CD1B: variants seen among roughly 807,000 people sequenced by gnomAD.
The protein encoded by CD1B is T-cell surface glycoprotein CD1b.
CD1B carries 43 observed loss-of-function variants against 39.8 expected under a neutral mutation model. That is an observed-to-expected ratio of 1.08 (90% CI 0.85 to 1.39). The LOEUF (loss-of-function observed/expected upper bound fraction) is 1.39. CD1B is among the 40% of genes most tolerant of loss of function. The pLI is 0.00. For synonymous variants in CD1B, 192 were observed against 152.5 expected (o/e 1.26, Z -1.91); for missense variants, 495 against 403.8 (o/e 1.23, Z -1.94).
chr1:158,305,941 T>A, the CD1B span, among the ~76,000 whole-genome samples: 3 of 152,162 alleles, frequency 2.0e-5, no homozygotes, highest in African/African-American at 7.2e-5. Flanking sequence ...GCACTAAACA[T>A]GAAAAGGAAC....
downstream of CD1B, among the ~76,000 whole-genome samples, chr1:158,323,043 T>A (rs888501981): frequency 2.6e-5 from 4 of 152,184 alleles, no homozygotes; most frequent in East Asian, 1.9e-4. Context: ...TTTCCAGGAT[T>A]GTAAAATTTT....
chr1:158,310,691 G>A, the CD1B span, among the ~76,000 whole-genome samples: 1 of 152,096 alleles, frequency 6.6e-6, no homozygotes, highest in Admixed American at 6.6e-5. Flanking sequence ...CATATACATA[G>A]CCAACAAGCA....
At chr1:158,307,694 T>G in the CD1B span, among the ~76,000 whole-genome samples, 12 of 152,212 alleles carry the variant, frequency 7.9e-5, 2 homozygotes, top group Admixed American at 7.2e-4. Flanking sequence ...AATAAAATAC[T>G]GGCAAACCGA....
chr1:158,295,126 T>G, the CD1B span, among the ~76,000 whole-genome samples: 2 of 152,040 alleles, frequency 1.3e-5, no homozygotes, highest in South Asian at 4.1e-4. Flanking sequence ...ATTAAACTTA[T>G]TTTTGGGAGA....
downstream of CD1B, among the ~76,000 whole-genome samples, chr1:158,326,550 AATGCTGAACAACT>A (rs1269830665): frequency 6.6e-6 from 1 of 152,180 alleles, no homozygotes; most frequent in African/African-American, 2.4e-5. Context: ...AAAAAATTTG[AATGCTGAACAACT>A]ATATATTTAA....
chr1:158,322,383 C>G, the CD1B span, among the ~76,000 whole-genome samples: 1 of 151,682 alleles, frequency 6.6e-6, no homozygotes, highest in African/African-American at 2.4e-5. Context: ...ACTACAGACA[C>G]AAGCCACCAT....
At chr1:158,300,874 T>C in the CD1B span, among the ~76,000 whole-genome samples, 1 of 151,172 alleles carries the variant, frequency 6.6e-6, no homozygotes, top group Admixed American at 6.6e-5. Flanking sequence ...TTCTCCTGCT[T>C]GAGCCTCCTG....
At chr1:158,329,304 G>T in intron 4 of CD1B, 66 bp downstream of exon 4, 1 of 1,547,362 alleles carries the variant, frequency 6.5e-7, no homozygotes, top group South Asian at 1.2e-5. Context: ...TCCTTCCCCA[G>T]TGCCTCCCTC....
the CD1B span, among the ~76,000 whole-genome samples, chr1:158,288,951 T>C: frequency 3.3e-5 from 5 of 152,192 alleles, no homozygotes; most frequent in African/African-American, 1.2e-4. Context: ...TAAATTTGGA[T>C]TTTTGTGGTC....
At chr1:158,326,458 C>G (rs901648575), downstream of CD1B, among the ~76,000 whole-genome samples, 19 of 152,190 alleles carry the variant, frequency 1.2e-4, no homozygotes, top group African/African-American at 4.3e-4. Context: ...GTTTATGAAA[C>G]ATCAACTAAT....
At chr1:158,305,881 T>G in the CD1B span, among the ~76,000 whole-genome samples, 1,760 of 152,312 alleles carry the variant, frequency 0.012, 34 homozygotes, top group African/African-American at 0.04. Context: ...AAGCAAATGC[T>G]GAGAGATTTT....
At chr1:158,319,810 T>C in the CD1B span, among the ~76,000 whole-genome samples, 1 of 152,230 alleles carries the variant, frequency 6.6e-6, no homozygotes, top group Non-Finnish European at 1.5e-5. Flanking sequence ...ATTTTGGTCT[T>C]TGATGATGGT....
At chr1:158,291,227 A>G in the CD1B span, 1 of 1,613,948 alleles carries the variant, frequency 6.2e-7, no homozygotes, top group Non-Finnish European at 8.5e-7. Flanking sequence ...TGGCTGGACG[A>G]GTTGCAGACT....
chr1:158,291,405 GT>G, the CD1B span: 1 of 1,612,508 alleles, frequency 6.2e-7, no homozygotes, highest in Non-Finnish European at 8.5e-7. Flanking sequence ...CGAAATGTAA[GT>G]TCAATCATCT....
At chr1:158,309,086 A>G in the CD1B span, among the ~76,000 whole-genome samples, 1 of 152,254 alleles carries the variant, frequency 6.6e-6, no homozygotes, top group South Asian at 2.1e-4. Context: ...TACTCATCTG[A>G]CAAAGGGCTA....
downstream of CD1B, among the ~76,000 whole-genome samples, chr1:158,327,348 A>G (rs1194800908): frequency 6.6e-6 from 1 of 152,198 alleles, no homozygotes; most frequent in Non-Finnish European, 1.5e-5. Context: ...TGACCCTTTA[A>G]AAGCTAGACT....
chr1:158,309,955 C>G, the CD1B span, among the ~76,000 whole-genome samples: 1 of 149,856 alleles, frequency 6.7e-6, no homozygotes, highest in Admixed American at 6.7e-5. Flanking sequence ...ACATTGTGCA[C>G]ATATACCCTA....
chr1:158,303,336 C>T, the CD1B span, among the ~76,000 whole-genome samples: 4 of 152,132 alleles, frequency 2.6e-5, no homozygotes, highest in Non-Finnish European at 4.4e-5. Flanking sequence ...ACTGAATAAA[C>T]AAAAGCTTGA....
chr1:158,324,305 C>A (rs1360119248), downstream of CD1B, among the ~76,000 whole-genome samples: 3 of 152,120 alleles, frequency 2.0e-5, no homozygotes, highest in Non-Finnish European at 4.4e-5. Context: ...CTACCTAGGG[C>A]CTTGATTCCA....
Sources: gnomAD v4.1 joint callset for allele counts (sites outside exome capture counted in the v4.1 genomes callset) on GRCh38, gnomAD v4.1.1 for gene constraint, MANE v1.5 for transcripts, NCBI Gene and HGNC (gene_info 2026-07-23, HGNC 2026-07-21) for gene names.